SCMH1: variants seen among roughly 807,000 people sequenced by gnomAD.
The protein encoded by SCMH1 is polycomb protein SCMH1.
A neutral mutation model predicts 70.8 loss-of-function variants in SCMH1; 37 were observed. The ratio of observed to expected loss-of-function variants is 0.52; its 90% CI spans 0.40 to 0.69. The LOEUF is 0.69. Among genes scored for constraint, SCMH1 ranks in the 30% least tolerant of loss-of-function variants. SCMH1 has a pLI of 0.00. For missense variants in SCMH1, 607 were observed against 827.3 expected (o/e 0.73, Z 3.27); for synonymous variants, 292 against 307.4 (o/e 0.95, Z 0.52).
intron 6 of SCMH1, among the ~76,000 whole-genome samples, chr1:41,138,128 G>C (rs957494332): frequency 6.6e-6 from 1 of 152,038 alleles, no homozygotes; most frequent in African/African-American, 2.4e-5. Context: ...TGCTGAAAAC[G>C]ATTTCAGTAT....
intron 1 of SCMH1, among the ~76,000 whole-genome samples, chr1:41,203,472 G>T (rs1402499877): frequency 6.6e-6 from 1 of 152,172 alleles, no homozygotes; most frequent in East Asian, 1.9e-4. Flanking sequence ...CTTATTATGT[G>T]CCAAGCACTG....
chr1:41,226,602 A>T (rs1557869427), intron 1 of SCMH1, among the ~76,000 whole-genome samples: 2 of 152,132 alleles, frequency 1.3e-5, no homozygotes, highest in Non-Finnish European at 2.9e-5. Context: ...TTTAGTCAAC[A>T]AATATTAATA....
intron 2 of SCMH1, among the ~76,000 whole-genome samples, chr1:41,169,931 A>G (rs1172837831): frequency 6.6e-6 from 1 of 152,140 alleles, no homozygotes; most frequent in African/African-American, 2.4e-5. Flanking sequence ...GAGGGACTCA[A>G]TGTGTGGACA....
At chr1:41,070,812 A>G (rs1656219673) in intron 9 of SCMH1, 91 bp from the exon 10 acceptor site, 4 of 1,428,640 alleles carry the variant, frequency 2.8e-6, no homozygotes, top group Non-Finnish European at 3.8e-6. Flanking sequence ...AAGCAAAAAT[A>G]TATTTATGGA....
At chr1:41,128,123 T>C (rs1673684053) in intron 6 of SCMH1, among the ~76,000 whole-genome samples, 1 of 152,186 alleles carries the variant, frequency 6.6e-6, no homozygotes, top group African/African-American at 2.4e-5. Flanking sequence ...TAATTTTAAT[T>C]TCAGAGGCTT....
chr1:41,095,874 T>C (rs1001962976), intron 8 of SCMH1, among the ~76,000 whole-genome samples: 20 of 152,144 alleles, frequency 1.3e-4, no homozygotes, highest in East Asian at 1.9e-4. Context: ...AAGCAAACAA[T>C]TGCATATCCA....
At chr1:41,162,072 G>A (rs1458877224) in intron 2 of SCMH1, among the ~76,000 whole-genome samples, 1 of 152,002 alleles carries the variant, frequency 6.6e-6, no homozygotes, top group Non-Finnish European at 1.5e-5. Context: ...CCAAACCGAG[G>A]CTGCAAACCC....
intron 2 of SCMH1, among the ~76,000 whole-genome samples, chr1:41,169,085 G>A (rs1322434004): frequency 6.6e-6 from 1 of 152,164 alleles, no homozygotes; most frequent in African/African-American, 2.4e-5. Context: ...GGAGAAGCTC[G>A]TAGAAGTGGT....
intron 1 of SCMH1, among the ~76,000 whole-genome samples, chr1:41,224,332 T>C (rs1659862825): frequency 6.6e-6 from 1 of 152,200 alleles, no homozygotes; most frequent in Non-Finnish European, 1.5e-5. Context: ...CTTTATCCCC[T>C]GTATCTAACA....
chr1:41,136,896 GC>G (rs534382557), intron 6 of SCMH1, among the ~76,000 whole-genome samples: 13 of 150,198 alleles, frequency 8.7e-5, no homozygotes, highest in African/African-American at 3.2e-4. Flanking sequence ...TTCTGCTTCA[GC>G]CTCCTAAAAG....
intron 8 of SCMH1, among the ~76,000 whole-genome samples, chr1:41,080,955 G>A (rs1007353033): frequency 2.6e-5 from 4 of 152,060 alleles, no homozygotes; most frequent in Non-Finnish European, 2.9e-5. Context: ...AATACAGACT[G>A]TAAGGGAAGA....
intron 6 of SCMH1, among the ~76,000 whole-genome samples, chr1:41,140,908 A>G (rs1644004552): frequency 6.6e-6 from 1 of 152,238 alleles, no homozygotes; most frequent in Non-Finnish European, 1.5e-5. Flanking sequence ...TCAAGCATCA[A>G]TAAGGTCAAT....
chr1:41,053,198 G>A (rs1648920353), intron 10 of SCMH1, among the ~76,000 whole-genome samples: 1 of 151,636 alleles, frequency 6.6e-6, no homozygotes, highest in Admixed American at 6.6e-5. Context: ...GTATGCTTAA[G>A]ATCTGTACAT....
intron 2 of SCMH1, among the ~76,000 whole-genome samples, chr1:41,165,435 T>C (rs1646347819): frequency 6.6e-6 from 1 of 152,136 alleles, no homozygotes; most frequent in South Asian, 2.1e-4. Flanking sequence ...ATGGTAATTC[T>C]ATTTTCAGTA....
At chr1:41,043,426 G>GT (rs368412849) in intron 12 of SCMH1, 1,497 of 134,138 alleles carry the variant, frequency 0.011, 5 homozygotes, top group Middle Eastern at 0.019. Flanking sequence ...AATTTCATTA[G>GT]TTTTTTTTTT....
intron 8 of SCMH1, among the ~76,000 whole-genome samples, chr1:41,108,786 C>T (rs1668601278): frequency 6.6e-6 from 1 of 152,154 alleles, no homozygotes; most frequent in Admixed American, 6.5e-5. Flanking sequence ...CAGGAGTCAC[C>T]TGCTACCTAT....
chr1:41,061,433 T>C (rs565594347), intron 10 of SCMH1, among the ~76,000 whole-genome samples: 3 of 152,216 alleles, frequency 2.0e-5, no homozygotes, highest in Non-Finnish European at 4.4e-5. Context: ...GGAGTAGCTA[T>C]ATTAACTTCA....
chr1:41,196,289 AAACTT>A (rs1652998328), intron 1 of SCMH1, among the ~76,000 whole-genome samples: 1 of 152,164 alleles, frequency 6.6e-6, no homozygotes, highest in East Asian at 1.9e-4. Flanking sequence ...CAAAGTTAGA[AAACTT>A]ACACTTTCTA....
At chr1:41,182,972 C>T (rs1369422093) in intron 2 of SCMH1, among the ~76,000 whole-genome samples, 1 of 152,124 alleles carries the variant, frequency 6.6e-6, no homozygotes, top group African/African-American at 2.4e-5. Context: ...AGCTAGTCAC[C>T]TATCATTTTT....
Sources: allele counts gnomAD v4.1 joint callset (sites outside exome capture counted in the v4.1 genomes callset), GRCh38; gene constraint gnomAD v4.1.1; transcripts MANE v1.5; gene names NCBI Gene and HGNC (gene_info 2026-07-23, HGNC 2026-07-21).